Variants in SLC22A15 observed in about 807,000 individuals in gnomAD.
SLC22A15 encodes flipt 1.
In SLC22A15, 45 loss-of-function variants were observed where a neutral mutation model predicts 62.7. That is an observed-to-expected ratio of 0.72 (90% CI 0.56 to 0.92). The LOEUF is 0.92. SLC22A15 is among the 40% of genes least tolerant of loss of function. SLC22A15 has a pLI of 0.00. For synonymous variants in SLC22A15, 264 were observed against 267.0 expected, an observed-to-expected ratio of 0.99 and a Z score of 0.11; for missense variants, 622 against 665.6, an observed-to-expected ratio of 0.93 and a Z score of 0.72.
chr1:116,004,946 C>A (rs923089339), intron 2 of SLC22A15, among the ~76,000 whole-genome samples: 1 of 152,050 alleles, frequency 6.6e-6, no homozygotes, highest in African/African-American at 2.4e-5. Context: ...GTTGTCAAAT[C>A]TATGTGTGTA....
At chr1:116,015,319 T>A (rs1656471224) in intron 2 of SLC22A15, 1 of 152,048 alleles carries the variant, frequency 6.6e-6, no homozygotes, top group Non-Finnish European at 1.5e-5. Context: ...ATTCCAAGAG[T>A]AATAGAGAGA....
At chr1:115,989,065 C>G (rs952852579) in intron 1 of SLC22A15, among the ~76,000 whole-genome samples, 1 of 151,962 alleles carries the variant, frequency 6.6e-6, no homozygotes, top group Non-Finnish European at 1.5e-5. Context: ...TCTGACTCTT[C>G]TGGTGGCATA....
intron 2 of SLC22A15, among the ~76,000 whole-genome samples, chr1:116,001,647 G>A (rs1034437785): frequency 6.6e-6 from 1 of 151,858 alleles, no homozygotes; most frequent in African/African-American, 2.4e-5. Context: ...CATTTTGTCA[G>A]TCAAATTTTT....
At chr1:116,015,186 A>G (rs1656463592) in intron 2 of SLC22A15, 1 of 152,206 alleles carries the variant, frequency 6.6e-6, no homozygotes, top group South Asian at 2.1e-4. Context: ...GTGAGTTGGC[A>G]TCCCTGTGTC....
At chr1:115,983,534 C>T (rs892924028) in intron 1 of SLC22A15, among the ~76,000 whole-genome samples, 18 of 152,080 alleles carry the variant, frequency 1.2e-4, no homozygotes, top group African/African-American at 2.4e-4. Context: ...TATACTGTTG[C>T]GGGAGCTCGT....
intron 1 of SLC22A15, among the ~76,000 whole-genome samples, chr1:115,989,841 A>G (rs1655063518): frequency 6.6e-6 from 1 of 152,120 alleles, no homozygotes; most frequent in African/African-American, 2.4e-5. Flanking sequence ...AGTGCCTCGC[A>G]CATAGTTAGC....
At chr1:116,062,356 C>G (rs180917687) in intron 8 of SLC22A15, among the ~76,000 whole-genome samples, 1 of 152,278 alleles carries the variant, frequency 6.6e-6, no homozygotes, top group Admixed American at 6.5e-5. Flanking sequence ...ATGTACTTAT[C>G]AGGGCTTGTT....
intron 2 of SLC22A15, 104 bp downstream of exon 2, chr1:115,992,347 A>T: frequency 1.0e-6 from 1 of 992,022 alleles, no homozygotes; most frequent in South Asian, 1.7e-5. Context: ...TTTTCAAATA[A>T]CTTTCTAGTA....
intron 4 of SLC22A15, among the ~76,000 whole-genome samples, chr1:116,023,988 A>G (rs965974822): frequency 1.3e-5 from 2 of 152,156 alleles, no homozygotes; most frequent in African/African-American, 4.8e-5. Flanking sequence ...GGACCAGATG[A>G]TACAGGGCCT....
intron 2 of SLC22A15, among the ~76,000 whole-genome samples, chr1:116,014,655 A>T (rs1350088870): frequency 6.6e-6 from 1 of 152,262 alleles, no homozygotes; most frequent in Non-Finnish European, 1.5e-5. Context: ...AATTTGGCCT[A>T]TTATTAACAA....
At chr1:116,018,117 C>T (rs78412758) in intron 2 of SLC22A15, among the ~76,000 whole-genome samples, 6,057 of 152,234 alleles carry the variant, frequency 0.04, 141 homozygotes, top group African/African-American at 0.055. Flanking sequence ...ATCTCCAGGA[C>T]GCTTTCAACA....
At chr1:116,047,902 G>A (rs972630924) in intron 8 of SLC22A15, among the ~76,000 whole-genome samples, 1 of 152,042 alleles carries the variant, frequency 6.6e-6, no homozygotes, top group Non-Finnish European at 1.5e-5. Flanking sequence ...AAAACTTCAG[G>A]AAACATTGGA....
intron 2 of SLC22A15, among the ~76,000 whole-genome samples, chr1:116,003,675 G>A (rs2101154299): frequency 6.6e-6 from 1 of 152,276 alleles, no homozygotes; most frequent in South Asian, 2.1e-4. Flanking sequence ...CTCTCTTCCT[G>A]TGCCGTGTGG....
chr1:115,987,165 T>C (rs950289178), intron 1 of SLC22A15, among the ~76,000 whole-genome samples: 1 of 122,840 alleles, frequency 8.1e-6, no homozygotes, highest in Non-Finnish European at 1.6e-5. Flanking sequence ...TGTAGATAGA[T>C]TTTTTTTTTT....
intron 8 of SLC22A15, among the ~76,000 whole-genome samples, chr1:116,058,083 A>G (rs971852269): frequency 2.0e-5 from 3 of 151,820 alleles, no homozygotes; most frequent in Non-Finnish European, 2.9e-5. Flanking sequence ...ACTGAAAAAA[A>G]AAGAAAACAG....
At chr1:116,063,173 T>A (rs1658423123) in intron 9 of SLC22A15, among the ~76,000 whole-genome samples, 1 of 152,176 alleles carries the variant, frequency 6.6e-6, no homozygotes, top group Admixed American at 6.5e-5. Flanking sequence ...TATTATTATT[T>A]TGGTGAATTT....
intron 6 of SLC22A15, among the ~76,000 whole-genome samples, chr1:116,034,445 A>G (rs182695959): frequency 2.0e-5 from 3 of 152,208 alleles, no homozygotes; most frequent in Admixed American, 6.5e-5. Context: ...CTTGGTGCCT[A>G]GCACTATGCC....
In SLC22A15 at chr1:116,019,708, C is replaced by T. The variant is rs753005400; in HGVS notation, c.427C>T (p.Leu143Phe). 6.2e-7 allele frequency: 1 copy of T among 1,611,732 alleles called. No individual in the cohort carries two copies. Among genetic ancestry groups the T allele is most frequent in the Admixed American group, 1.7e-5 (1 of 59,446 alleles). The change falls in exon 3 of 12, where the codon CTC becomes TTC. Residue 143 changes from leucine (L) to phenylalanine (F), a missense_variant. Coordinates refer to ENST00000369503, the MANE Select transcript of SLC22A15 (RefSeq NM_018420.3). ...TCGCTTCGGAAGGAAAAAAGTCTAT[C>T]TCACAGGTAATCTATTAGAGTATTC... ...SDRFGRKKVYLTGFALDILFA... is the reference protein window; with the variant it reads ...SDRFGRKKVYFTGFALDILFA...
At chr1:116,011,905 C>G (rs574987533) in intron 2 of SLC22A15, among the ~76,000 whole-genome samples, 34 of 152,230 alleles carry the variant, frequency 2.2e-4, no homozygotes, top group Non-Finnish European at 3.8e-4. Flanking sequence ...TTTGGGTAAC[C>G]ATACCCTTAC....
Sources: allele counts gnomAD v4.1 joint callset (sites outside exome capture counted in the v4.1 genomes callset), GRCh38; gene constraint gnomAD v4.1.1; transcripts MANE v1.5; gene names NCBI Gene and HGNC (gene_info 2026-07-23, HGNC 2026-07-21).